Variants in SCN10A observed in about 807,000 individuals in gnomAD.
SCN10A encodes sodium voltage-gated channel alpha subunit 10.
In SCN10A, 162 loss-of-function variants were observed where a neutral mutation model predicts 170.7. That is an observed-to-expected ratio of 0.95 (90% CI 0.84 to 1.08). The LOEUF (loss-of-function observed/expected upper bound fraction) is 1.08, where lower values mean the gene tolerates loss of function less well. SCN10A is among the 50% of genes least tolerant of loss of function. SCN10A has a pLI of 0.00. For missense variants in SCN10A, 2,527 were observed against 2,436.9 expected (o/e 1.04, Z -0.78); for synonymous variants, 985 against 904.6 (o/e 1.09, Z -1.59).
chr3:38,713,835 C>A, intron 22 of SCN10A, 123 bp downstream of exon 22: 1 of 1,136,298 alleles, frequency 8.8e-7, no homozygotes, highest in East Asian at 2.4e-5. Context: ...GGCATGTTGG[C>A]CAGGGTGGTT....
intron 4 of SCN10A, among the ~76,000 whole-genome samples, chr3:38,784,486 A>G (rs1318914333): frequency 6.6e-6 from 1 of 152,162 alleles, no homozygotes; most frequent in Non-Finnish European, 1.5e-5. Context: ...GTATCTCAAA[A>G]TAATAAGAAC....
At chr3:38,728,968 C>T in intron 15 of SCN10A, 67 bp from the exon 16 acceptor site, 1 of 1,524,992 alleles carries the variant, frequency 6.6e-7, no homozygotes, top group South Asian at 1.3e-5. Flanking sequence ...AAAGTTTTGC[C>T]TGGAAACCAA....
chr3:38,729,000 C>A (rs1309031469), intron 15 of SCN10A, 99 bp from the exon 16 acceptor site: 1 of 1,456,846 alleles, frequency 6.9e-7, no homozygotes, highest in East Asian at 2.3e-5. Flanking sequence ...AAACACAAGG[C>A]CTCTCATCCC....
At chr3:38,708,985 T>A (rs573964931) in intron 25 of SCN10A, among the ~76,000 whole-genome samples, 1 of 152,298 alleles carries the variant, frequency 6.6e-6, no homozygotes, top group South Asian at 2.1e-4. Context: ...CTTATAAACA[T>A]GAGAGGTTAT....
chr3:38,774,960 T>C (rs191399247), intron 4 of SCN10A, among the ~76,000 whole-genome samples: 42 of 152,306 alleles, frequency 2.8e-4, no homozygotes, highest in South Asian at 1.0e-3. Flanking sequence ...TGCACTAGCA[T>C]TGGGATCTGG....
rs1401429839 is a variant in SCN10A, at chr3:38,707,274, C to G, written c.4386+5G>C. ...GCTGTGCTAGAGGAAACCTCTGGGG[C>G]TCACCAGGGGCCGTGGGATGGGCTT... On this transcript the variant is annotated splice_donor_5th_base_variant and intron_variant, in intron 26 of 27. Coordinates refer to ENST00000449082, the MANE Select transcript of SCN10A (RefSeq NM_006514.4). 6.2e-7 allele frequency: 1 copy of G among 1,613,580 alleles called. No homozygotes were observed. Among genetic ancestry groups the G allele is most frequent in the Admixed American group, 1.7e-5 (1 of 60,016 alleles).
chr3:38,805,813 C>T (rs1286002758), intron 1 of SCN10A, among the ~76,000 whole-genome samples: 1 of 152,132 alleles, frequency 6.6e-6, no homozygotes, highest in African/African-American at 2.4e-5. Flanking sequence ...TCCTGAGTTG[C>T]CTCTGATAAC....
In SCN10A at chr3:38,697,333, G is replaced by A; in HGVS notation, c.*16C>T. 1.9e-6 allele frequency: 3 copies of A among 1,611,318 alleles called. No individual in the cohort carries two copies. Among genetic ancestry groups the A allele is most frequent in the South Asian group, 1.1e-5 (1 of 90,978 alleles). On this transcript the variant is annotated 3_prime_UTR_variant, in exon 28 of 28. Transcript: ENST00000449082. ...GACGCATCATAACTGAACATATCCA[G>A]GCTGGAGTGTTCTCACTAGGGCCCA...
intron 20 of SCN10A, among the ~76,000 whole-genome samples, chr3:38,721,522 C>A (rs1048630402): frequency 3.3e-5 from 5 of 152,338 alleles, no homozygotes; most frequent in African/African-American, 9.6e-5. Flanking sequence ...ACAGAGAGAA[C>A]CTTCCTTCTT....
Position 38,732,098 on chromosome 3 carries a change from A to G in SCN10A, c.2281-3197T>C, listed in dbSNP as rs149052241. On this transcript the variant is annotated intron_variant, in intron 15 of 27. Coordinates refer to ENST00000449082, the MANE Select transcript of SCN10A (RefSeq NM_006514.4). ...GCTAAGCATGAGAGTGAATCTAAAT[A>G]AACATTGAGTGGACACAACAACAAT... Among the ~76,000 whole-genome samples the G allele has an allele frequency of 2.3e-3, 351 of 152,378 alleles. 1 individual carries two copies. Among genetic ancestry groups the G allele is most frequent in the Non-Finnish European group, 3.4e-3 (233 of 68,038 alleles).
Position 38,792,175 on chromosome 3 carries a change from CA to C in SCN10A, c.271-8del. 1 of 1,611,652 alleles carries C rather than the reference CA, an allele frequency of 6.2e-7. No individual in the cohort carries two copies. Among genetic ancestry groups the C allele is most frequent in the Non-Finnish European group, 8.5e-7 (1 of 1,179,220 alleles). ...TGTTCAGCACCATAAATGTCTGAAA[CA>C]AAACAAAACAGAAAGTGGACCTCCA... On this transcript the variant is annotated splice_region_variant and splice_polypyrimidine_tract_variant and intron_variant, in intron 2 of 27. Transcript: ENST00000449082.
chr3:38,718,083 A>G (rs2063351081), intron 21 of SCN10A, among the ~76,000 whole-genome samples: 1 of 152,234 alleles, frequency 6.6e-6, no homozygotes, highest in African/African-American at 2.4e-5. Context: ...GCAGCAGTAT[A>G]AGCTCAGTGG....
chr3:38,747,479 C>A (rs184955143), intron 13 of SCN10A, among the ~76,000 whole-genome samples: 2 of 152,150 alleles, frequency 1.3e-5, no homozygotes, highest in Admixed American at 1.3e-4. Context: ...TTTGCTTGAC[C>A]TGACTCATTT....
intron 15 of SCN10A, among the ~76,000 whole-genome samples, chr3:38,737,769 CCTCT>C (rs1279891850): frequency 3.0e-5 from 3 of 99,182 alleles, no homozygotes; most frequent in South Asian, 4.3e-4. Flanking sequence ...TCCCTCCCTC[CCTCT>C]CTCTCTCCCT....
intron 1 of SCN10A, among the ~76,000 whole-genome samples, chr3:38,810,542 G>C (rs963831720): frequency 6.6e-6 from 1 of 152,156 alleles, no homozygotes; most frequent in East Asian, 1.9e-4. Flanking sequence ...TCTTGGTCTT[G>C]TCTGTCTAAA....
At chr3:38,727,900 AGG>A (rs2063474365) in intron 16 of SCN10A, among the ~76,000 whole-genome samples, 1 of 152,062 alleles carries the variant, frequency 6.6e-6, no homozygotes, top group South Asian at 2.1e-4. Flanking sequence ...GAGTCTCCAG[AGG>A]GGCTTCCTCC....
rs573614189 is a variant in SCN10A at position 38,732,948 on chromosome 3, G to A, written c.2281-4047C>T. 1.8e-4 allele frequency among the ~76,000 whole-genome samples: 28 copies of A among 152,262 alleles called. No individual in the cohort carries two copies. The South Asian group carries it at 5.8e-3, about 32-fold the overall frequency. On this transcript the variant is annotated intron_variant, in intron 15 of 27. Transcript: ENST00000449082. ...GAGCAATGGGATTAAGTCTTCAAAT[G>A]TTGAAGACTAGTTAAATTTTCCAAT... is the stretch of plus-strand genomic sequence containing the variant.
intron 6 of SCN10A, among the ~76,000 whole-genome samples, chr3:38,761,982 T>A (rs1211490598): frequency 6.6e-6 from 1 of 151,896 alleles, no homozygotes; most frequent in Non-Finnish European, 1.5e-5. Context: ...AAAGAGACTA[T>A]AAGAAACACT....
rs138298994 is a variant in SCN10A at position 38,793,816 on chromosome 3, C to T, written c.195G>A (p.Lys65=). The change falls in exon 2 of 28, where the codon AAG becomes AAA. Residue 65 remains lysine, a synonymous_variant. Coordinates refer to ENST00000449082, the MANE Select transcript of SCN10A (RefSeq NM_006514.4). ...GTTCTGCTGGGAGCTCACCATAGAA[C>T]TTGGGCAGCTGGTTGCAGGCTTTCA... ...LDLKACNQLP[K]FYGELPAELI... 19 of 1,613,856 alleles carry T rather than the reference C, an allele frequency of 1.2e-5. No individual in the cohort carries two copies. Among genetic ancestry groups the T allele is most frequent in the African/African-American group, 6.7e-5 (5 of 74,884 alleles).
Sources: gnomAD v4.1 joint callset for allele counts (sites outside exome capture counted in the v4.1 genomes callset) on GRCh38, gnomAD v4.1.1 for gene constraint, MANE v1.5 for transcripts, NCBI Gene and HGNC (gene_info 2026-07-23, HGNC 2026-07-21) for gene names.